SH3PXD2B: variants seen among roughly 807,000 people sequenced by gnomAD.
SH3PXD2B encodes the protein SH3 and PX domain-containing protein 2B.
SH3PXD2B carries 37 observed loss-of-function variants against 73.1 expected under a neutral mutation model. The observed-to-expected ratio is 0.51, with a 90% CI of 0.39 to 0.67. The LOEUF (loss-of-function observed/expected upper bound fraction) is 0.67. SH3PXD2B is among the 30% of genes least tolerant of loss of function. The pLI is 0.00. For missense variants in SH3PXD2B, 1,053 were observed against 1,197.8 expected (o/e 0.88, Z 1.78); for synonymous variants, 457 against 480.5 (o/e 0.95, Z 0.64).
At chr5:172,356,519 G>T (rs568369326) in intron 8 of SH3PXD2B, among the ~76,000 whole-genome samples, 2 of 152,310 alleles carry the variant, frequency 1.3e-5, no homozygotes, top group East Asian at 3.9e-4. Flanking sequence ...AAATACCCAA[G>T]GCTCACTCCT....
chr5:172,404,687 G>A (rs1254594136), intron 3 of SH3PXD2B, among the ~76,000 whole-genome samples: 1 of 152,194 alleles, frequency 6.6e-6, no homozygotes, highest in Non-Finnish European at 1.5e-5. Context: ...AATCATCATA[G>A]TAAGTGCTTG....
In SH3PXD2B at chr5:172,338,040, C is replaced by G. The variant is rs1756745198; in HGVS notation, c.*329G>C. 1 of 1,265,574 alleles carries G rather than the reference C, an allele frequency of 7.9e-7. No homozygotes were observed. The highest frequency in any genetic ancestry group is 4.2e-5 in the East Asian group (1 of 23,992). 78.4% of individuals were successfully genotyped at this position (1,265,574 alleles called of 1,614,324 possible). On this transcript the variant is annotated 3_prime_UTR_variant, in exon 13 of 13. Transcript: ENST00000311601. This position sits in a 1 kb window ranked among gnomAD's most constrained non-coding sequence, Gnocchi z 5.1. Reference sequence around the variant, plus strand: ...GTTTCTCCAGGCAATGGGATCCAGTCCTGGAGGTCTTGGAGAGTCTTGGTC... The same window carrying G: ...GTTTCTCCAGGCAATGGGATCCAGTGCTGGAGGTCTTGGAGAGTCTTGGTC...
chr5:172,413,336 C>T (rs1312700969), intron 2 of SH3PXD2B, among the ~76,000 whole-genome samples: 1 of 152,210 alleles, frequency 6.6e-6, no homozygotes, highest in Non-Finnish European at 1.5e-5. Flanking sequence ...TGTCTGGTGT[C>T]CTGATGGACG....
At chr5:172,355,575 C>T (rs1191875931) in intron 8 of SH3PXD2B, among the ~76,000 whole-genome samples, 4 of 150,490 alleles carry the variant, frequency 2.7e-5, no homozygotes, top group East Asian at 2.0e-4. Context: ...GACGGATTCT[C>T]GCTCTGTCGC....
intron 4 of SH3PXD2B, among the ~76,000 whole-genome samples, chr5:172,393,123 G>A (rs1758226125): frequency 6.6e-6 from 1 of 152,196 alleles, no homozygotes; most frequent in South Asian, 2.1e-4. Context: ...GATTTTGACA[G>A]GGATTGTATT....
At chr5:172,433,058 G>A (rs769678029) in intron 1 of SH3PXD2B, among the ~76,000 whole-genome samples, 2 of 152,076 alleles carry the variant, frequency 1.3e-5, no homozygotes, top group African/African-American at 2.4e-5. Context: ...CAGTGGTTCC[G>A]TAAGATTATA....
chr5:172,326,077 G>T (rs1477690927), intron 12 of SH3PXD2B, among the ~76,000 whole-genome samples: 1 of 152,166 alleles, frequency 6.6e-6, no homozygotes, highest in African/African-American at 2.4e-5. Flanking sequence ...GTGAGCCACC[G>T]CGCCTGGCTG....
At position 172,337,603 on chromosome 5, in the gene SH3PXD2B, T is replaced by G; in HGVS notation, c.*766A>C. The G allele has an allele frequency of 7.1e-6, 7 of 985,452 alleles. No individual in the cohort carries two copies. Among genetic ancestry groups the G allele is most frequent in the Non-Finnish European group, 8.4e-6 (7 of 830,006 alleles). 61.0% of individuals were successfully genotyped at this position (985,452 alleles called of 1,614,324 possible). The stretch of plus-strand genomic sequence containing the variant: ...GTAGGCAAAAATGAAATGCTCCAAG[T>G]TGGGGTGGGAACTCTCATTGAAAAG... On this transcript the variant is annotated 3_prime_UTR_variant, in exon 13 of 13. Transcript: ENST00000311601.
At chr5:172,451,266 T>C (rs967392239) in intron 1 of SH3PXD2B, among the ~76,000 whole-genome samples, 1 of 152,160 alleles carries the variant, frequency 6.6e-6, no homozygotes, top group South Asian at 2.1e-4. Flanking sequence ...GTGGCCGAGA[T>C]GGCTGCAAAT....
At chr5:172,412,898 A>G (rs944310362) in intron 2 of SH3PXD2B, among the ~76,000 whole-genome samples, 2 of 152,226 alleles carry the variant, frequency 1.3e-5, no homozygotes, top group Admixed American at 1.3e-4. Context: ...GGGGAGTAGG[A>G]AGGGAGAAGG....
chr5:172,333,955 T>C lies in SH3PXD2B; in HGVS notation c.*4414A>G, dbSNP rs1043226856. 13 of 1,230,258 alleles carry C rather than the reference T, an allele frequency of 1.1e-5. No individual in the cohort carries two copies. The highest frequency in any genetic ancestry group is 1.2e-5 in the Non-Finnish European group (12 of 966,822). The allele number at this position is 1,230,258 out of a possible 1,614,324, so 76.2% of individuals were successfully genotyped here. On this transcript the variant is annotated 3_prime_UTR_variant, in exon 13 of 13. Coordinates refer to ENST00000311601, the MANE Select transcript of SH3PXD2B (RefSeq NM_001017995.3). Reference sequence around the variant, plus strand: ...TAAAATGTGGACACCATCGTTGCATTAGAATTGCTTATTGCTGATGTAAGC... The same window carrying C: ...TAAAATGTGGACACCATCGTTGCATCAGAATTGCTTATTGCTGATGTAAGC...
At chr5:172,368,456 T>TATATATATATAAA (rs1757575158) in intron 6 of SH3PXD2B, among the ~76,000 whole-genome samples, 1 of 42,620 alleles carries the variant, frequency 2.3e-5, no homozygotes, top group South Asian at 7.9e-4. Flanking sequence ...AGAATGCTTA[T>TATATATATATAAA]ATATATATAT....
chr5:172,336,415 G>C lies in SH3PXD2B; in HGVS notation c.*1954C>G. 1.0e-6 allele frequency: 1 copy of C among 985,956 alleles called. No homozygotes were observed. The highest frequency in any genetic ancestry group is 1.2e-6 in the Non-Finnish European group (1 of 830,006). The allele number at this position is 985,956 out of a possible 1,614,324, so 61.1% of individuals were successfully genotyped here. On this transcript the variant is annotated 3_prime_UTR_variant, in exon 13 of 13. Coordinates refer to ENST00000311601, the MANE Select transcript of SH3PXD2B (RefSeq NM_001017995.3). ...TGGGCACAGGGCCAAGTGGCAAGTGGGCCCTGCCCAAGCCTCTCTGGGAAA... is the reference window on the plus strand; with the variant it reads ...TGGGCACAGGGCCAAGTGGCAAGTGCGCCCTGCCCAAGCCTCTCTGGGAAA...
At chr5:172,451,045 G>T (rs937476199) in intron 1 of SH3PXD2B, among the ~76,000 whole-genome samples, 3 of 152,224 alleles carry the variant, frequency 2.0e-5, no homozygotes, top group African/African-American at 7.2e-5. Flanking sequence ...CTGTGGCTCT[G>T]CCCCTGGGCC....
intron 10 of SH3PXD2B, 121 bp from the exon 11 acceptor site, chr5:172,347,453 A>G (rs916378688): frequency 4.0e-6 from 4 of 996,736 alleles, no homozygotes; most frequent in African/African-American, 1.6e-5. Flanking sequence ...TGCTGCTGCA[A>G]CCCTCCCTGT....
At chr5:172,426,690 C>T (rs1759103379) in intron 1 of SH3PXD2B, among the ~76,000 whole-genome samples, 1 of 152,146 alleles carries the variant, frequency 6.6e-6, no homozygotes, top group Non-Finnish European at 1.5e-5. Context: ...CGGATGAGAA[C>T]CAATTCCAGG....
At chr5:172,423,031 C>T (rs2113465641) in intron 1 of SH3PXD2B, among the ~76,000 whole-genome samples, 1 of 152,316 alleles carries the variant, frequency 6.6e-6, no homozygotes, top group East Asian at 1.9e-4. Context: ...CCTCTGCCTC[C>T]TCTGCCTCCC....
At chr5:172,443,297 T>A (rs570774687) in intron 1 of SH3PXD2B, among the ~76,000 whole-genome samples, 9 of 152,168 alleles carry the variant, frequency 5.9e-5, no homozygotes, top group African/African-American at 1.9e-4. Flanking sequence ...TCACCGCGAG[T>A]TGCTGCCTTC....
In SH3PXD2B at chr5:172,334,831, C is replaced by T; in HGVS notation, c.*3538G>A. The T allele has an allele frequency of 6.1e-6, 6 of 985,440 alleles. No individual in the cohort carries two copies. Among genetic ancestry groups the T allele is most frequent in the Non-Finnish European group, 7.2e-6 (6 of 829,954 alleles). The allele number at this position is 985,440 out of a possible 1,614,324, so 61.0% of individuals were successfully genotyped here. On this transcript the variant is annotated 3_prime_UTR_variant, in exon 13 of 13. Transcript: ENST00000311601. ...ACTCAGCACTTGCTCTTTAACGTGG[C>T]ATATGTTCCCCCATCTTCCACCTGG...
Sources: allele counts gnomAD v4.1 joint callset (sites outside exome capture counted in the v4.1 genomes callset), GRCh38; gene constraint gnomAD v4.1.1; non-coding constraint Gnocchi (gnomAD v3.1); transcripts MANE v1.5; gene names NCBI Gene and HGNC (gene_info 2026-07-23, HGNC 2026-07-21).